PRKG1: variants seen among roughly 807,000 people sequenced by gnomAD.
The protein encoded by PRKG1 is cGMP-dependent protein kinase 1.
PRKG1 carries 35 observed loss-of-function variants against 88.1 expected under a neutral mutation model. The ratio of observed to expected loss-of-function variants is 0.40; its 90% CI spans 0.30 to 0.53. PRKG1 has a LOEUF of 0.53. Among genes scored for constraint, PRKG1 ranks in the 20% least tolerant of loss-of-function variants. The pLI is 0.59. For missense variants in PRKG1, 540 were observed against 839.8 expected (o/e 0.64, Z 4.41); for synonymous variants, 303 against 292.5 (o/e 1.04, Z -0.37).
chr10:52,035,385 T>A (rs1845581019), intron 5 of PRKG1, among the ~76,000 whole-genome samples: 1 of 152,150 alleles, frequency 6.6e-6, no homozygotes, highest in African/African-American at 2.4e-5. Context: ...TGAGAAGTTA[T>A]TTCCTTGAGG....
At chr10:51,641,691 A>G (rs1237718691) in intron 3 of PRKG1, among the ~76,000 whole-genome samples, 1 of 152,090 alleles carries the variant, frequency 6.6e-6, no homozygotes, top group African/African-American at 2.4e-5. Flanking sequence ...TGACTTTTGC[A>G]CCAGTCTAAT....
rs572255380 is a variant in PRKG1 at position 51,809,820 on chromosome 10, C to G, written c.698+5130C>G. ...TCTTCCCATCACTCCTAGGAGAAAG[C>G]CTACCTAGTTCTTACCATTGTCTTC... On this transcript the variant is annotated intron_variant, in intron 4 of 17. Coordinates refer to ENST00000373980, the MANE Select transcript of PRKG1 (RefSeq NM_006258.4). Among the ~76,000 whole-genome samples the G allele has an allele frequency of 8.3e-4, 127 of 152,278 alleles. 2 individuals are homozygous for G. The highest frequency in any genetic ancestry group is 1.8e-3 in the Admixed American group (27 of 15,296).
chr10:50,998,671 C>G (rs1842858485), intron 1 of PRKG1, among the ~76,000 whole-genome samples: 1 of 152,138 alleles, frequency 6.6e-6, no homozygotes, highest in Admixed American at 6.5e-5. Context: ...TCGCTTGAAC[C>G]TGGGAGGCAG....
chr10:51,788,428 A>C (rs2132577623), intron 3 of PRKG1, among the ~76,000 whole-genome samples: 1 of 152,164 alleles, frequency 6.6e-6, no homozygotes, highest in East Asian at 1.9e-4. Flanking sequence ...AGCTCACTTG[A>C]CATTTCTTGA....
intron 3 of PRKG1, among the ~76,000 whole-genome samples, chr10:51,582,536 T>C (rs1385888628): frequency 2.0e-5 from 3 of 151,946 alleles, no homozygotes; most frequent in Non-Finnish European, 4.4e-5. Flanking sequence ...CTCCCAGTTA[T>C]AAGTGAGAAC....
chr10:51,836,166 G>A (rs1367545019), intron 4 of PRKG1, among the ~76,000 whole-genome samples: 1 of 152,056 alleles, frequency 6.6e-6, no homozygotes, highest in African/African-American at 2.4e-5. Context: ...CATGGCACTG[G>A]CATCAAAGCA....
intron 3 of PRKG1, among the ~76,000 whole-genome samples, chr10:51,501,143 C>A (rs1461735859): frequency 3.3e-5 from 5 of 152,010 alleles, no homozygotes; most frequent in African/African-American, 1.2e-4. Flanking sequence ...CCAACAAATC[C>A]CTTTTATTTT....
chr10:51,170,668 T>C (rs1188923361), intron 2 of PRKG1, among the ~76,000 whole-genome samples: 2 of 148,922 alleles, frequency 1.3e-5, no homozygotes, highest in Non-Finnish European at 3.0e-5. Context: ...GCAGAGGGAA[T>C]AAATGTGCAA....
intron 4 of PRKG1, among the ~76,000 whole-genome samples, chr10:51,894,902 T>C (rs1184492767): frequency 1.6e-4 from 25 of 152,204 alleles, no homozygotes; most frequent in Non-Finnish European, 2.9e-5. Context: ...CTTATTTGTA[T>C]GTTAGAGATG....
intron 1 of PRKG1, among the ~76,000 whole-genome samples, chr10:51,118,927 T>G (rs1845199221): frequency 6.6e-6 from 1 of 152,128 alleles, no homozygotes; most frequent in Non-Finnish European, 1.5e-5. Flanking sequence ...TGGAACCTGG[T>G]CTCTTAGTAA....
intron 3 of PRKG1, among the ~76,000 whole-genome samples, chr10:51,720,135 A>G (rs1391617078): frequency 6.6e-6 from 1 of 152,186 alleles, no homozygotes; most frequent in Non-Finnish European, 1.5e-5. Flanking sequence ...ATACAGATAT[A>G]GTCATGTCAA....
At chr10:51,238,256 T>C (rs1173439235) in intron 2 of PRKG1, among the ~76,000 whole-genome samples, 1 of 152,292 alleles carries the variant, frequency 6.6e-6, no homozygotes, top group East Asian at 1.9e-4. Flanking sequence ...CGTTGTACTT[T>C]ATTGAGTTGC....
chr10:51,781,165 A>T (rs989852831), intron 3 of PRKG1, among the ~76,000 whole-genome samples: 7 of 152,062 alleles, frequency 4.6e-5, no homozygotes, highest in African/African-American at 1.7e-4. Flanking sequence ...ATTTTCTTTT[A>T]TTTTTCCCCA....
chr10:51,486,129 C>A lies in PRKG1; in HGVS notation c.592+18293C>A, dbSNP rs769628200. Among the ~76,000 whole-genome samples, 8 of 152,152 alleles carry A rather than the reference C, an allele frequency of 5.3e-5. No individual in the cohort carries two copies. In the East Asian group the frequency reaches 1.5e-3, roughly 29 times the overall value. On this transcript the variant is annotated intron_variant, in intron 3 of 17. Coordinates refer to ENST00000373980, the MANE Select transcript of PRKG1 (RefSeq NM_006258.4). ...ATTATTTTTGTTTGCGATAAGAACACATACCAGAATATAGTATTGCTAACT... is the reference window on the plus strand; with the variant it reads ...ATTATTTTTGTTTGCGATAAGAACAAATACCAGAATATAGTATTGCTAACT...
intron 7 of PRKG1, among the ~76,000 whole-genome samples, chr10:52,090,158 C>G (rs560998022): frequency 6.6e-6 from 1 of 152,146 alleles, no homozygotes; most frequent in African/African-American, 2.4e-5. Context: ...GAAACCAGAA[C>G]TCCTTGGAGA....
chr10:51,057,422 GC>G (rs1202377255), intron 1 of PRKG1, among the ~76,000 whole-genome samples: 1 of 152,040 alleles, frequency 6.6e-6, no homozygotes, highest in Non-Finnish European at 1.5e-5. Flanking sequence ...CTTCTGTAAT[GC>G]ATTGTAACAC....
chr10:51,602,082 G>A (rs970230845), intron 3 of PRKG1, among the ~76,000 whole-genome samples: 4 of 151,970 alleles, frequency 2.6e-5, no homozygotes, highest in Non-Finnish European at 2.9e-5. Flanking sequence ...ATTTCACTTG[G>A]AGAGTTTAAA....
chr10:51,687,365 A>G (rs1288485093), intron 3 of PRKG1, among the ~76,000 whole-genome samples: 1 of 152,176 alleles, frequency 6.6e-6, no homozygotes, highest in African/African-American at 2.4e-5. Context: ...TCTTTTTGAC[A>G]CTTTAGAATA....
intron 5 of PRKG1, among the ~76,000 whole-genome samples, chr10:51,987,475 C>G (rs78439930): frequency 1.1e-4 from 9 of 85,460 alleles, no homozygotes; most frequent in Admixed American, 1.1e-3. Context: ...TTTTTTTTTT[C>G]TGAAACTTAC....
Sources: gnomAD v4.1 joint callset for allele counts (sites outside exome capture counted in the v4.1 genomes callset) on GRCh38, gnomAD v4.1.1 for gene constraint, MANE v1.5 for transcripts, NCBI Gene and HGNC (gene_info 2026-07-23, HGNC 2026-07-21) for gene names.